MARCHF1: variants seen among roughly 807,000 people sequenced by gnomAD.
MARCHF1 encodes membrane associated ring-CH-type finger 1, also known as E3 ubiquitin-protein ligase MARCHF1.
MARCHF1 carries 40 observed loss-of-function variants against 54.2 expected under a neutral mutation model. That is an observed-to-expected ratio of 0.74 (90% CI 0.57 to 0.96). The LOEUF (loss-of-function observed/expected upper bound fraction) is 0.96. Among genes scored for constraint, MARCHF1 ranks in the 40% least tolerant of loss-of-function variants. The pLI is 0.00. For synonymous variants in MARCHF1, 236 were observed against 236.3 expected, an observed-to-expected ratio of 1.00 and a Z score of 0.01; for missense variants, 586 against 656.5, an observed-to-expected ratio of 0.89 and a Z score of 1.17.
intron 1 of MARCHF1, among the ~76,000 whole-genome samples, chr4:164,178,164 T>C (rs1241755641): frequency 1.3e-5 from 2 of 152,204 alleles, no homozygotes; most frequent in Non-Finnish European, 2.9e-5. Context: ...AACTTCAATA[T>C]AATCAAGTTA....
chr4:163,827,120 T>G (rs569308268), intron 4 of MARCHF1, among the ~76,000 whole-genome samples: 10 of 152,240 alleles, frequency 6.6e-5, no homozygotes, highest in East Asian at 1.9e-4. Flanking sequence ...TCTTATTTTT[T>G]TGTGTGTGAC....
intron 3 of MARCHF1, among the ~76,000 whole-genome samples, chr4:163,856,507 C>G (rs563336553): frequency 6.6e-6 from 1 of 152,326 alleles, no homozygotes; most frequent in African/African-American, 2.4e-5. Context: ...TCTAACTACA[C>G]AGCTTCACTT....
chr4:163,648,761 C>T (rs1351056373), intron 5 of MARCHF1, among the ~76,000 whole-genome samples: 1 of 150,672 alleles, frequency 6.6e-6, no homozygotes, highest in African/African-American at 2.4e-5. Flanking sequence ...TATTAAATAG[C>T]AGTTCAAAGA....
chr4:164,038,383 C>A (rs534048003), intron 2 of MARCHF1, among the ~76,000 whole-genome samples: 1 of 152,232 alleles, frequency 6.6e-6, no homozygotes, highest in South Asian at 2.1e-4. Flanking sequence ...GTCCCAGCTA[C>A]TTGGGAGGCT....
intron 4 of MARCHF1, among the ~76,000 whole-genome samples, chr4:163,738,512 C>G (rs1746111442): frequency 6.6e-6 from 1 of 152,204 alleles, no homozygotes; most frequent in African/African-American, 2.4e-5. Context: ...AAAACTTCTA[C>G]AAATTGAGGA....
chr4:164,275,394 TG>T (rs1733853506), intron 1 of MARCHF1, among the ~76,000 whole-genome samples: 1 of 152,220 alleles, frequency 6.6e-6, no homozygotes, highest in East Asian at 1.9e-4. Context: ...ATGTTAAGCT[TG>T]GAAGAGTCAA....
chr4:164,044,507 AG>A (rs1943695593), intron 2 of MARCHF1, among the ~76,000 whole-genome samples: 1 of 152,144 alleles, frequency 6.6e-6, no homozygotes, highest in Non-Finnish European at 1.5e-5. Flanking sequence ...ACCTCCTATC[AG>A]GCCCTTCTTC....
At chr4:163,534,965 T>G (rs1162094228) in intron 9 of MARCHF1, among the ~76,000 whole-genome samples, 2 of 152,072 alleles carry the variant, frequency 1.3e-5, no homozygotes, top group Non-Finnish European at 2.9e-5. Context: ...AATTATGAGA[T>G]GAATTGCTTT....
intron 1 of MARCHF1, among the ~76,000 whole-genome samples, chr4:164,162,199 C>G (rs1579585411): frequency 6.6e-6 from 1 of 151,828 alleles, no homozygotes; most frequent in African/African-American, 2.4e-5. Context: ...AATAAATTAC[C>G]AAATAGATTT....
At chr4:163,701,826 A>G (rs765545215) in intron 4 of MARCHF1, among the ~76,000 whole-genome samples, 8 of 139,624 alleles carry the variant, frequency 5.7e-5, no homozygotes, top group Non-Finnish European at 9.7e-5. Context: ...TACCAATGTA[A>G]GAATTCCTTT....
At chr4:164,034,407 G>C (rs190729130) in intron 2 of MARCHF1, among the ~76,000 whole-genome samples, 1 of 152,276 alleles carries the variant, frequency 6.6e-6, no homozygotes, top group East Asian at 1.9e-4. Flanking sequence ...ATGGAAAACA[G>C]TATGGAGATT....
At chr4:163,536,279 TCTC>T (rs999221834) in intron 9 of MARCHF1, among the ~76,000 whole-genome samples, 8 of 152,294 alleles carry the variant, frequency 5.3e-5, no homozygotes, top group Non-Finnish European at 7.4e-5. Flanking sequence ...CATCCAGCTT[TCTC>T]CTCTGCTTAA....
chr4:163,914,618 A>G (rs1751265971), intron 3 of MARCHF1, among the ~76,000 whole-genome samples: 1 of 152,178 alleles, frequency 6.6e-6, no homozygotes, highest in African/African-American at 2.4e-5. Flanking sequence ...TTAAATAGAC[A>G]ACATCCTCCC....
At chr4:164,366,355 A>G (rs970822967) in intron 1 of MARCHF1, among the ~76,000 whole-genome samples, 1 of 152,070 alleles carries the variant, frequency 6.6e-6, no homozygotes, top group African/African-American at 2.4e-5. Flanking sequence ...GGGCCAGCAT[A>G]GAAAAGACTG....
chr4:164,274,579 T>C (rs1171763853), intron 1 of MARCHF1, among the ~76,000 whole-genome samples: 1 of 151,156 alleles, frequency 6.6e-6, no homozygotes, highest in East Asian at 1.9e-4. Flanking sequence ...AGAGACTTAG[T>C]GCTGATTAGG....
At chr4:164,360,898 T>C (rs538175748) in intron 1 of MARCHF1, among the ~76,000 whole-genome samples, 1 of 152,232 alleles carries the variant, frequency 6.6e-6, no homozygotes, top group East Asian at 1.9e-4. Context: ...TTCTATACTA[T>C]TTCTAAATTA....
intron 1 of MARCHF1, among the ~76,000 whole-genome samples, chr4:164,279,360 A>C (rs1733967952): frequency 6.6e-6 from 1 of 151,546 alleles, no homozygotes; most frequent in Non-Finnish European, 1.5e-5. Context: ...AGTTCTTTTG[A>C]AATAATGATA....
chr4:163,587,922 T>C (rs182618790), intron 7 of MARCHF1, among the ~76,000 whole-genome samples: 164 of 152,232 alleles, frequency 1.1e-3, no homozygotes, highest in African/African-American at 3.8e-3. Context: ...GTATAAAGTA[T>C]ATATAGATAC....
chr4:163,786,065 A>G (rs1197565094), intron 4 of MARCHF1, among the ~76,000 whole-genome samples: 1 of 151,992 alleles, frequency 6.6e-6, no homozygotes, highest in Non-Finnish European at 1.5e-5. Flanking sequence ...ACAGCTGAAA[A>G]AGGCCGGGAA....
Sources: gnomAD v4.1 joint callset for allele counts (sites outside exome capture counted in the v4.1 genomes callset) on GRCh38, gnomAD v4.1.1 for gene constraint, MANE v1.5 for transcripts, NCBI Gene and HGNC (gene_info 2026-07-23, HGNC 2026-07-21) for gene names.